Variants in SPOCK3 observed in about 807,000 individuals in gnomAD.
SPOCK3 encodes testican-3.
SPOCK3 carries 30 observed loss-of-function variants against 56.6 expected under a neutral mutation model. That is an observed-to-expected ratio of 0.53 (90% CI 0.40 to 0.72). The LOEUF (loss-of-function observed/expected upper bound fraction) is 0.72, where lower values mean the gene tolerates loss of function less well. Among genes scored for constraint, SPOCK3 ranks in the 30% least tolerant of loss-of-function variants. SPOCK3 has a pLI of 0.00. For missense variants in SPOCK3, 527 were observed against 530.0 expected (o/e 0.99, Z 0.06); for synonymous variants, 196 against 183.3 (o/e 1.07, Z -0.56).
At chr4:167,125,530 G>A (rs539939452) in intron 2 of SPOCK3, among the ~76,000 whole-genome samples, 2 of 151,492 alleles carry the variant, frequency 1.3e-5, no homozygotes, top group African/African-American at 4.8e-5. Flanking sequence ...TGGCTAACAC[G>A]GCGAAACCCT....
intron 2 of SPOCK3, among the ~76,000 whole-genome samples, chr4:167,125,071 G>A (rs1485766195): frequency 2.0e-5 from 3 of 151,718 alleles, no homozygotes; most frequent in Non-Finnish European, 4.4e-5. Context: ...ATTTAGTTTC[G>A]TCCCTTGCTT....
chr4:166,989,413 T>A (rs17052722), intron 4 of SPOCK3, among the ~76,000 whole-genome samples: 1 of 152,122 alleles, frequency 6.6e-6, no homozygotes, highest in African/African-American at 2.4e-5. Flanking sequence ...TAAGCCTTAA[T>A]AACAGGCAAA....
chr4:166,998,129 T>C (rs1027600265), intron 4 of SPOCK3, among the ~76,000 whole-genome samples: 7 of 152,196 alleles, frequency 4.6e-5, no homozygotes, highest in African/African-American at 1.7e-4. Flanking sequence ...ATATCAAATA[T>C]TAATCTTAAA....
At chr4:166,765,473 G>A (rs1019456238) in intron 7 of SPOCK3, among the ~76,000 whole-genome samples, 4 of 152,060 alleles carry the variant, frequency 2.6e-5, no homozygotes, top group African/African-American at 4.8e-5. Flanking sequence ...TTTTTGTCAG[G>A]TTTGTCAAAG....
rs555018867 is a variant in SPOCK3 at position 167,008,555 on chromosome 4, T to C, written c.236-8092A>G. 1.2e-4 allele frequency among the ~76,000 whole-genome samples: 18 copies of C among 152,214 alleles called. No individual in the cohort carries two copies. In the South Asian group the frequency reaches 3.3e-3, roughly 28 times the overall value. On this transcript the variant is annotated intron_variant, in intron 3 of 10. Transcript: ENST00000357545. ...TGAATTCTCATTTTAGATAGTCACA[T>C]TTTTCTCTTTAACCAAGTAAACCTG...
Position 166,914,102 on chromosome 4 carries a change from A to T in SPOCK3, c.351-1359T>A, listed in dbSNP as rs143510281. Among the ~76,000 whole-genome samples the T allele has an allele frequency of 1.3e-3, 192 of 152,180 alleles. 2 individuals carry two copies. The Middle Eastern group carries it at 0.017, about 13-fold the overall frequency. ...ACCATTCTACTTGCACTGAACTTTC[A>T]CTGTGTGTAATCAAACAAGACATGA... On this transcript the variant is annotated intron_variant, in intron 4 of 10. Transcript: ENST00000357545.
chr4:166,755,396 T>C (rs1237305768), intron 7 of SPOCK3, among the ~76,000 whole-genome samples: 1 of 152,134 alleles, frequency 6.6e-6, no homozygotes, highest in Non-Finnish European at 1.5e-5. Context: ...ACTGGGTTTG[T>C]ATTCAAGCTA....
At chr4:166,771,765 A>G (rs1478263232) in intron 7 of SPOCK3, among the ~76,000 whole-genome samples, 5 of 152,066 alleles carry the variant, frequency 3.3e-5, no homozygotes, top group Admixed American at 3.3e-4. Context: ...GTTTAAATAT[A>G]CTTTTGTTTC....
chr4:167,059,082 T>C (rs1042022964), intron 3 of SPOCK3, among the ~76,000 whole-genome samples: 1 of 152,022 alleles, frequency 6.6e-6, no homozygotes, highest in Non-Finnish European at 1.5e-5. Context: ...ATTCAGGACA[T>C]AGGCATGGGC....
intron 2 of SPOCK3, among the ~76,000 whole-genome samples, chr4:167,123,370 C>T (rs1468940341): frequency 2.0e-5 from 3 of 152,180 alleles, no homozygotes; most frequent in Admixed American, 6.5e-5. Context: ...CACAGCTCTT[C>T]TCCTGAAGAT....
At chr4:166,890,089 G>A (rs559656426) in intron 5 of SPOCK3, among the ~76,000 whole-genome samples, 8 of 151,806 alleles carry the variant, frequency 5.3e-5, no homozygotes, top group African/African-American at 9.7e-5. Context: ...CATATCTTAC[G>A]TTTCTACAAG....
intron 6 of SPOCK3, among the ~76,000 whole-genome samples, chr4:166,882,208 C>T (rs1306269534): frequency 6.6e-6 from 1 of 152,116 alleles, no homozygotes; most frequent in Non-Finnish European, 1.5e-5. Context: ...TAGAGATAGT[C>T]TGAAAAACAG....
intron 3 of SPOCK3, among the ~76,000 whole-genome samples, chr4:167,029,463 T>G (rs189525988): frequency 1.1e-4 from 16 of 152,214 alleles, no homozygotes; most frequent in African/African-American, 3.4e-4. Flanking sequence ...AGATGTTTTT[T>G]AGAAGGGGAC....
intron 3 of SPOCK3, among the ~76,000 whole-genome samples, chr4:167,052,507 CAAAT>C (rs1273484889): frequency 1.3e-5 from 2 of 152,140 alleles, no homozygotes; most frequent in Non-Finnish European, 2.9e-5. Context: ...GTGAATTAAT[CAAAT>C]AAAGGCTCAG....
At chr4:166,753,713 C>G (rs1736712193) in intron 8 of SPOCK3, among the ~76,000 whole-genome samples, 1 of 151,994 alleles carries the variant, frequency 6.6e-6, no homozygotes, top group African/African-American at 2.4e-5. Context: ...GCAGGCTTTA[C>G]CACATTAATT....
intron 2 of SPOCK3, among the ~76,000 whole-genome samples, chr4:167,205,286 ATTTT>A: frequency 2.2e-5 from 1 of 44,728 alleles, no homozygotes; most frequent in South Asian, 6.2e-4. Flanking sequence ...TATTATATAT[ATTTT>A]ATATCTATAA....
At chr4:167,213,951 C>A (rs1311183429) in intron 2 of SPOCK3, among the ~76,000 whole-genome samples, 1 of 151,990 alleles carries the variant, frequency 6.6e-6, no homozygotes, top group African/African-American at 2.4e-5. Context: ...AAATATTTGT[C>A]TTTTTTATTA....
intron 6 of SPOCK3, among the ~76,000 whole-genome samples, chr4:166,812,743 A>C (rs1743963215): frequency 6.6e-6 from 1 of 151,964 alleles, no homozygotes; most frequent in Non-Finnish European, 1.5e-5. Context: ...ATAATTCTTC[A>C]CTGGGACGAA....
intron 6 of SPOCK3, among the ~76,000 whole-genome samples, chr4:166,798,326 C>T (rs1254424378): frequency 6.6e-6 from 1 of 152,124 alleles, no homozygotes. Flanking sequence ...TTGATTTACT[C>T]TCTTGTTTTG....
Sources: allele counts gnomAD v4.1 joint callset (sites outside exome capture counted in the v4.1 genomes callset), GRCh38; gene constraint gnomAD v4.1.1; transcripts MANE v1.5; gene names NCBI Gene and HGNC (gene_info 2026-07-23, HGNC 2026-07-21).